The following ABCA8 variants were observed in gnomAD, a reference collection of about 807,000 sequenced individuals.
ABCA8 encodes the protein ATP binding cassette subfamily A member 8, also known as ABC-type organic anion transporter ABCA8.
ABCA8 carries 177 observed loss-of-function variants against 192.3 expected under a neutral mutation model. The ratio of observed to expected loss-of-function variants is 0.92; its 90% CI spans 0.81 to 1.04. ABCA8 has a LOEUF of 1.04. Among genes scored for constraint, ABCA8 ranks in the 50% least tolerant of loss-of-function variants. The probability of loss-of-function intolerance (pLI) is 0.00; values close to 1 mark genes in which losing one functional copy is unlikely to be tolerated. For synonymous variants in ABCA8, 642 were observed against 690.2 expected, an observed-to-expected ratio of 0.93 and a Z score of 1.09; for missense variants, 1,915 against 1,904.8, an observed-to-expected ratio of 1.01 and a Z score of -0.10.
At chr17:68,936,255 C>T (rs8070184) in intron 5 of ABCA8, among the ~76,000 whole-genome samples, 74,329 of 151,762 alleles carry the variant, frequency 0.49, 18,804 homozygotes, top group South Asian at 0.55. Context: ...CTTTTCCTAG[C>T]CCAATGTCCA....
intron 7 of ABCA8, 141 bp from the exon 8 acceptor site, chr17:68,929,843 G>T: frequency 1.3e-6 from 1 of 780,780 alleles, no homozygotes. Flanking sequence ...GGTGTTCTAA[G>T]ATATATAAAT....
At chr17:68,935,531 G>A (rs749557595) in intron 5 of ABCA8, among the ~76,000 whole-genome samples, 16 of 73,740 alleles carry the variant, frequency 2.2e-4, no homozygotes, top group South Asian at 1.1e-3. Context: ...TTATGGCTGA[G>A]TAGTATTCCT....
At chr17:68,953,106 T>C (rs2068614893) in intron 1 of ABCA8, among the ~76,000 whole-genome samples, 1 of 152,190 alleles carries the variant, frequency 6.6e-6, no homozygotes, top group Non-Finnish European at 1.5e-5. Context: ...TTTCAAATGG[T>C]CTTTGCCGTG....
rs200239175 is a variant in ABCA8, at chr17:68,875,394, G to A, written c.4497C>T (p.Ile1499=). The A allele has an allele frequency of 2.3e-5, 37 of 1,613,870 alleles. No homozygotes were observed. The East Asian group carries it at 3.3e-4, about 15-fold the overall frequency. The part of the protein sequence containing the change: ...AIMVSGRLRC[I]GSIQHLKSKF... ...TGCTTTTCAGGTGTTGGATGGAACC[G>A]ATACATCTGGAGGATGAGGTCATAT... The change falls in exon 37 of 40, where the codon ATC becomes ATT. Residue 1499 remains isoleucine, a synonymous_variant. Transcript: ENST00000586539.
chr17:68,903,411 G>T lies in ABCA8; in HGVS notation c.2487C>A (p.Asn829Lys), dbSNP rs553722908. The change falls in exon 20 of 40, where the codon AAC becomes AAA. Residue 829 changes from asparagine (N) to lysine (K), a missense_variant. Transcript: ENST00000586539. ...VEMEQVLSSL[N>K]KMRKTIGGVA... The stretch of plus-strand genomic sequence containing the variant: ...CACCACCTATTGTCTTTCTCATCTT[G>T]TTAAGTGAAGAGAGGACTTGTTCCA... 2.5e-5 allele frequency: 40 copies of T among 1,614,090 alleles called. No homozygotes were observed. In the East Asian group the frequency reaches 5.8e-4, roughly 23 times the overall value.
intron 11 of ABCA8, among the ~76,000 whole-genome samples, chr17:68,923,504 C>G (rs9893781): frequency 0.026 from 3,985 of 152,178 alleles, 124 homozygotes; most frequent in African/African-American, 0.055. Flanking sequence ...CTGGCCAAAA[C>G]TGTCTCGTTA....
intron 19 of ABCA8, among the ~76,000 whole-genome samples, chr17:68,905,843 T>C (rs542965231): frequency 6.6e-6 from 1 of 152,340 alleles, no homozygotes; most frequent in South Asian, 2.1e-4. Flanking sequence ...AGAGCTAATA[T>C]GAGTGCAGTG....
chr17:68,870,201 A>T lies in ABCA8; in HGVS notation c.4632-422T>A, dbSNP rs147506798. ...TCCATAACCTGACCCCTCACTGTAG[A>T]CATGCCTAGGTAGAACACCCCTTTT... On this transcript the variant is annotated intron_variant, in intron 37 of 39. Coordinates refer to ENST00000586539, the MANE Select transcript of ABCA8 (RefSeq NM_001288985.2). Among the ~76,000 whole-genome samples, 478 of 152,334 alleles carry T rather than the reference A, an allele frequency of 3.1e-3. 3 individuals are homozygous for T. The highest frequency in any genetic ancestry group is 0.011 in the African/African-American group (459 of 41,588).
intron 31 of ABCA8, 71 bp from the exon 32 acceptor site, chr17:68,881,282 C>T: frequency 9.2e-7 from 1 of 1,086,026 alleles, no homozygotes; most frequent in Non-Finnish European, 1.4e-6. Context: ...TAGTTGAAAT[C>T]TCACTATGTG....
chr17:68,896,113 C>T (rs1316546866), intron 21 of ABCA8, among the ~76,000 whole-genome samples: 3 of 141,500 alleles, frequency 2.1e-5, no homozygotes, highest in Non-Finnish European at 4.7e-5. Context: ...TGTGCTGAAA[C>T]TCTCCCTAAA....
intron 37 of ABCA8, among the ~76,000 whole-genome samples, chr17:68,870,454 A>G (rs1033417900): frequency 6.6e-6 from 1 of 152,230 alleles, no homozygotes; most frequent in Non-Finnish European, 1.5e-5. Flanking sequence ...GAGGTACAGA[A>G]GATCTCTAAA....
rs761273862 is a variant in ABCA8 at position 68,936,992 on chromosome 17, C to T, written c.425G>A (p.Gly142Glu). 17 of 1,606,584 alleles carry T rather than the reference C, an allele frequency of 1.1e-5. 1 individual carries two copies. In the South Asian group the frequency reaches 1.6e-4, roughly 15 times the overall value. The change falls in exon 5 of 40, where the codon GGA (glycine) becomes GAA (glutamate). Residue 142 changes from glycine to glutamate, a missense_variant. Gly to Glu is a moderately conservative substitution (Grantham distance 98). Transcript: ENST00000586539. ...TYSYHLKFLL[G>E]HGMPAKKEHK... ...CTCCTTCTTTGCTGGCATTCCATGT[C>T]CTAGCAAGAACTTCAAATGATATGA...
intron 35 of ABCA8, 86 bp from the exon 36 acceptor site, chr17:68,875,819 C>A (rs1420038501): frequency 1.4e-6 from 2 of 1,438,878 alleles, no homozygotes; most frequent in Admixed American, 2.2e-5. Flanking sequence ...AACTGGCATG[C>A]GTGTGAATAA....
At chr17:68,898,322 A>C (rs1026247017) in intron 21 of ABCA8, among the ~76,000 whole-genome samples, 2 of 152,232 alleles carry the variant, frequency 1.3e-5, no homozygotes. Flanking sequence ...CAATATATCC[A>C]TGTAGCAAAA....
chr17:68,921,799 A>T (rs892804511), intron 12 of ABCA8, among the ~76,000 whole-genome samples: 1 of 152,186 alleles, frequency 6.6e-6, no homozygotes, highest in African/African-American at 2.4e-5. Flanking sequence ...GTTAGTATTT[A>T]TTAAATGGAA....
At position 68,876,723 on chromosome 17, in the gene ABCA8, C is replaced by A; in HGVS notation, c.4200-20G>T. The A allele has an allele frequency of 1.2e-6, 2 of 1,613,888 alleles. No homozygotes were observed. Among genetic ancestry groups the A allele is most frequent in the Non-Finnish European group, 8.5e-7 (1 of 1,179,858 alleles). ...ACTAACCTGAAGGAAACAGGAGAGT[C>A]GTACAGTCTTCTTGACAAGAGGAAA... On this transcript the variant is annotated intron_variant, in intron 33 of 39. Coordinates refer to ENST00000586539, the MANE Select transcript of ABCA8 (RefSeq NM_001288985.2).
intron 5 of ABCA8, among the ~76,000 whole-genome samples, chr17:68,934,411 CA>C (rs2067996671): frequency 1.3e-5 from 2 of 152,260 alleles, no homozygotes; most frequent in South Asian, 4.1e-4. Flanking sequence ...CCCTAAATCT[CA>C]GTGATTTATC....
Position 68,882,693 on chromosome 17 carries a change from C to T in ABCA8, c.3734G>A (p.Cys1245Tyr), listed in dbSNP as rs1343561236. 1.9e-6 allele frequency: 3 copies of T among 1,612,866 alleles called. No homozygotes were observed. Among genetic ancestry groups the T allele is most frequent in the Admixed American group, 1.7e-5 (1 of 60,000 alleles). The change falls in exon 30 of 40, where the codon TGT becomes TAT. Residue 1245 changes from cysteine to tyrosine, a missense_variant. Coordinates refer to ENST00000586539, the MANE Select transcript of ABCA8 (RefSeq NM_001288985.2). ...TCCTTCTGGTTCTTCTGGATTTTGA[C>T]ACACATCACTACTTCTTGGAGAAAT... is the stretch of plus-strand genomic sequence containing the variant. ...FRISPRSSDV[C>Y]QNPEEPEGED...
intron 24 of ABCA8, among the ~76,000 whole-genome samples, chr17:68,888,027 G>A (rs2066534648): frequency 3.6e-5 from 5 of 137,586 alleles, no homozygotes. Context: ...TATGGAGTGT[G>A]TATATATGTG....
Sources: allele counts gnomAD v4.1 joint callset (sites outside exome capture counted in the v4.1 genomes callset), GRCh38; gene constraint gnomAD v4.1.1; transcripts MANE v1.5; gene names NCBI Gene and HGNC (gene_info 2026-07-23, HGNC 2026-07-21).